Variants in STK3 observed in about 807,000 individuals in gnomAD.
The protein encoded by STK3 is serine/threonine-protein kinase 3.
In STK3, 41 loss-of-function variants were observed where a neutral mutation model predicts 58.0. That is an observed-to-expected ratio of 0.71 (90% CI 0.55 to 0.92). The LOEUF is 0.92. Ranked by LOEUF, STK3 falls within the 40% of genes least tolerant of loss-of-function variation. The pLI is 0.00. For missense variants in STK3, 479 were observed against 602.7 expected (o/e 0.79, Z 2.15); for synonymous variants, 170 against 191.0 (o/e 0.89, Z 0.91).
intron 9 of STK3, among the ~76,000 whole-genome samples, chr8:98,536,159 T>A (rs1000479340): frequency 2.0e-5 from 3 of 152,090 alleles, no homozygotes; most frequent in African/African-American, 7.2e-5. Flanking sequence ...CCACCACCAA[T>A]GTTGTAGTGT....
At chr8:98,500,061 T>C (rs183725054) in intron 10 of STK3, among the ~76,000 whole-genome samples, 1 of 152,090 alleles carries the variant, frequency 6.6e-6, no homozygotes, top group South Asian at 2.1e-4. Context: ...CTTAAGCATC[T>C]TGAGATATGG....
rs879631103 is a variant in STK3, at chr8:98,622,269, CA to C, written c.685-26101del. ...GGGTGACAGTATGAGACTCCATCTC[CA>C]AAAAAAAAAAAATTGGATTTTTTTG... On this transcript the variant is annotated intron_variant, in intron 6 of 10. Transcript: ENST00000419617. Among the ~76,000 whole-genome samples, 94 of 136,122 alleles carry C rather than the reference CA, an allele frequency of 6.9e-4. 1 individual carries two copies. The highest frequency in any genetic ancestry group is 3.9e-3 in the Middle Eastern group (1 of 256). The allele number at this position is 136,122 out of a possible 152,430, so 89.3% of individuals were successfully genotyped here.
At chr8:98,799,157 G>C (rs1399983968) in intron 1 of STK3, among the ~76,000 whole-genome samples, 1 of 152,152 alleles carries the variant, frequency 6.6e-6, no homozygotes, top group African/African-American at 2.4e-5. Context: ...GTTTAGGCAA[G>C]AGCATAATCT....
At chr8:98,891,624 T>TGAGAGA (rs781550682) in intron 1 of STK3, among the ~76,000 whole-genome samples, 2 of 138,568 alleles carry the variant, frequency 1.4e-5, no homozygotes, top group African/African-American at 2.7e-5. Context: ...TGTGTGTGTG[T>TGAGAGA]GTGAGAGAGA....
intron 6 of STK3, among the ~76,000 whole-genome samples, chr8:98,694,068 C>T (rs1195144268): frequency 1.3e-5 from 2 of 152,098 alleles, no homozygotes. Context: ...TTGATATGCA[C>T]TATAAAGAAT....
chr8:98,873,287 A>G (rs1271730303), intron 3 of STK3, among the ~76,000 whole-genome samples: 1 of 152,142 alleles, frequency 6.6e-6, no homozygotes, highest in East Asian at 1.9e-4. Flanking sequence ...AATAAGTATG[A>G]TGTGGTGCTG....
At chr8:98,753,679 CAA>C (rs1336911451) in intron 3 of STK3, among the ~76,000 whole-genome samples, 1 of 151,608 alleles carries the variant, frequency 6.6e-6, no homozygotes, top group Non-Finnish European at 1.5e-5. Flanking sequence ...ATCTAAAAAA[CAA>C]AAGTTTAAAA....
intron 6 of STK3, among the ~76,000 whole-genome samples, chr8:98,655,299 T>C (rs1821394050): frequency 6.6e-6 from 1 of 152,236 alleles, no homozygotes. Context: ...AAGCTGAAAC[T>C]GGATCCCTTC....
At chr8:98,818,273 G>A (rs1834674804) in intron 1 of STK3, among the ~76,000 whole-genome samples, 2 of 152,218 alleles carry the variant, frequency 1.3e-5, no homozygotes, top group African/African-American at 2.4e-5. Flanking sequence ...AAGAGTGTAT[G>A]TTATATGAGG....
chr8:98,426,213 AC>A (rs1210381976), intron 3 of STK3, among the ~76,000 whole-genome samples: 2 of 152,182 alleles, frequency 1.3e-5, no homozygotes, highest in African/African-American at 4.8e-5. Context: ...CAAGAGTACT[AC>A]ACTGTACACA....
At chr8:98,399,968 C>T (rs1265820523), downstream of STK3, among the ~76,000 whole-genome samples, 4 of 152,182 alleles carry the variant, frequency 2.6e-5, no homozygotes, top group Admixed American at 2.0e-4. Context: ...GCCCATTGAT[C>T]GAGGCCCTTT....
At chr8:98,941,708 ACCT>A (rs1227445265) in intron 1 of STK3, among the ~76,000 whole-genome samples, 4 of 151,804 alleles carry the variant, frequency 2.6e-5, no homozygotes, top group East Asian at 1.9e-4. Context: ...CTCCTCCTCC[ACCT>A]CCTCCTCCGC....
intron 6 of STK3, among the ~76,000 whole-genome samples, chr8:98,689,824 C>T (rs1426937891): frequency 6.6e-6 from 1 of 152,076 alleles, no homozygotes; most frequent in East Asian, 1.9e-4. Context: ...AATCCAGCAG[C>T]ACATCAAAAA....
At chr8:98,824,267 G>A (rs1250747231) in intron 1 of STK3, among the ~76,000 whole-genome samples, 2 of 152,162 alleles carry the variant, frequency 1.3e-5, no homozygotes, top group African/African-American at 2.4e-5. Flanking sequence ...CAGAATTGCT[G>A]CCTACACCTG....
intron 1 of STK3, among the ~76,000 whole-genome samples, chr8:98,380,930 T>C (rs1377581047): frequency 1.3e-5 from 2 of 151,644 alleles, no homozygotes; most frequent in African/African-American, 4.8e-5. Flanking sequence ...TTGTTGTGTT[T>C]ATTTTATTTT....
upstream of STK3, among the ~76,000 whole-genome samples, chr8:98,388,661 G>A (rs1188503742): frequency 6.6e-6 from 1 of 152,152 alleles, no homozygotes; most frequent in Non-Finnish European, 1.5e-5. Context: ...AAAAGGGGAA[G>A]GGAATCTAGA....
chr8:98,899,647 G>A (rs1838582970), intron 1 of STK3, among the ~76,000 whole-genome samples: 1 of 152,148 alleles, frequency 6.6e-6, no homozygotes, highest in Non-Finnish European at 1.5e-5. Context: ...GGAGTCCTGG[G>A]ACCAATTTCC....
chr8:98,726,801 C>T (rs1274172441), intron 4 of STK3, among the ~76,000 whole-genome samples: 3 of 152,142 alleles, frequency 2.0e-5, no homozygotes, highest in African/African-American at 4.8e-5. Flanking sequence ...CTAGCAGGAA[C>T]AGGCTCCTTG....
At chr8:98,825,759 C>T (rs1207627864), upstream of STK3, 1 of 289,486 alleles carries the variant, frequency 3.5e-6, no homozygotes, top group Non-Finnish European at 4.7e-6. Context: ...CCCCCGGCCG[C>T]CCCGCCCCGC....
Sources: allele counts gnomAD v4.1 joint callset (sites outside exome capture counted in the v4.1 genomes callset), GRCh38; gene constraint gnomAD v4.1.1; transcripts MANE v1.5; gene names NCBI Gene and HGNC (gene_info 2026-07-23, HGNC 2026-07-21).